GRIA4: variants seen among roughly 807,000 people sequenced by gnomAD.
The protein encoded by GRIA4 is glutamate ionotropic receptor AMPA type subunit 4.
Under a neutral mutation model 104.0 loss-of-function variants are expected in GRIA4, and 34 were observed. The ratio of observed to expected loss-of-function variants is 0.33; its 90% CI spans 0.25 to 0.44. GRIA4 has a LOEUF of 0.44. GRIA4 is among the 20% of genes least tolerant of loss of function. The pLI, the probability that GRIA4 is intolerant of heterozygous loss-of-function variation, is 1.00. For synonymous variants in GRIA4, 386 were observed against 381.9 expected (o/e 1.01, Z -0.13); for missense variants, 750 against 1,096.5 (o/e 0.68, Z 4.46).
At chr11:105,887,621 A>G (rs751724965) in intron 6 of GRIA4, 49 bp downstream of exon 6, 3 of 840,536 alleles carry the variant, frequency 3.6e-6, no homozygotes, top group Middle Eastern at 4.9e-4. Flanking sequence ...TCAAGCACAC[A>G]AGATTATTTT....
At chr11:105,631,818 A>G (rs1217919315) in intron 3 of GRIA4, among the ~76,000 whole-genome samples, 1 of 152,234 alleles carries the variant, frequency 6.6e-6, no homozygotes, top group Non-Finnish European at 1.5e-5. Flanking sequence ...ATTGTATCAT[A>G]ATTGCCAAAG....
At chr11:105,696,021 T>G (rs1424437534) in intron 3 of GRIA4, among the ~76,000 whole-genome samples, 1 of 152,204 alleles carries the variant, frequency 6.6e-6, no homozygotes, top group East Asian at 1.9e-4. Flanking sequence ...CTTTGGCATT[T>G]CAGTTCTTCT....
intron 3 of GRIA4, among the ~76,000 whole-genome samples, chr11:105,659,766 G>A (rs929452056): frequency 1.3e-5 from 2 of 151,798 alleles, no homozygotes; most frequent in Non-Finnish European, 2.9e-5. Context: ...AATGGCAGTA[G>A]ACACCAGACT....
intron 14 of GRIA4, among the ~76,000 whole-genome samples, chr11:105,962,535 T>C (rs568219868): frequency 2.8e-4 from 42 of 152,150 alleles, no homozygotes; most frequent in Non-Finnish European, 5.4e-4. Context: ...ATAAAAACTT[T>C]TGGAAGTTTT....
intron 3 of GRIA4, among the ~76,000 whole-genome samples, chr11:105,626,344 G>T (rs1443594477): frequency 6.6e-6 from 1 of 151,722 alleles, no homozygotes; most frequent in Non-Finnish European, 1.5e-5. Context: ...AATTCACATT[G>T]GAATAAATAA....
intron 4 of GRIA4, among the ~76,000 whole-genome samples, chr11:105,850,530 T>C (rs1253192607): frequency 2.0e-5 from 3 of 152,190 alleles, no homozygotes; most frequent in African/African-American, 7.2e-5. Context: ...GTTTAATGTT[T>C]GATGTCCTTA....
intron 4 of GRIA4, among the ~76,000 whole-genome samples, chr11:105,792,893 A>C (rs1461595134): frequency 8.8e-6 from 1 of 113,584 alleles, no homozygotes; most frequent in African/African-American, 3.8e-5. Context: ...CCAGTTTGCC[A>C]ACCAGAGTTT....
At chr11:105,732,660 G>C (rs1168821030) in intron 3 of GRIA4, among the ~76,000 whole-genome samples, 2 of 152,248 alleles carry the variant, frequency 1.3e-5, no homozygotes, top group East Asian at 3.9e-4. Flanking sequence ...TGGTGAAGCT[G>C]GATTTTTACA....
At chr11:105,680,211 T>A (rs11226822) in intron 3 of GRIA4, among the ~76,000 whole-genome samples, 71,106 of 151,970 alleles carry the variant, frequency 0.47, 17,143 homozygotes, top group Admixed American at 0.58. Context: ...CAGAGTCTCG[T>A]AAGGACACAG....
At chr11:105,628,418 T>C (rs1488491836) in intron 3 of GRIA4, among the ~76,000 whole-genome samples, 1 of 152,162 alleles carries the variant, frequency 6.6e-6, no homozygotes, top group Non-Finnish European at 1.5e-5. Flanking sequence ...TGAATTGTAT[T>C]TCCTATAATC....
rs773679090 is a variant in GRIA4, at chr11:105,933,336, AATCTT to A, written c.2047-384_2047-380del. Among the ~76,000 whole-genome samples, 16 of 152,312 alleles carry A rather than the reference AATCTT, an allele frequency of 1.1e-4. No individual in the cohort carries two copies. In the East Asian group the frequency reaches 1.7e-3, roughly 17 times the overall value. ...AAGGAATTTTACAAACTTGAAATAAAATCTTAGCTTTTTTTAAGTTTACCATGAAT... is the reference window on the plus strand; with the variant it reads ...AAGGAATTTTACAAACTTGAAATAAAAGCTTTTTTTAAGTTTACCATGAAT... On this transcript the variant is annotated intron_variant, in intron 13 of 16. Coordinates refer to ENST00000282499, the MANE Select transcript of GRIA4 (RefSeq NM_000829.4).
intron 3 of GRIA4, among the ~76,000 whole-genome samples, chr11:105,704,112 A>C (rs1448729214): frequency 6.6e-6 from 1 of 152,130 alleles, no homozygotes; most frequent in Non-Finnish European, 1.5e-5. Flanking sequence ...ATGAGGGCCT[A>C]CAAGGTACAA....
At chr11:105,628,668 T>C (rs1950952323) in intron 3 of GRIA4, among the ~76,000 whole-genome samples, 1 of 152,164 alleles carries the variant, frequency 6.6e-6, no homozygotes, top group African/African-American at 2.4e-5. Flanking sequence ...CCTTTGTAAA[T>C]TACTCAGTCT....
chr11:105,889,114 T>C (rs1192539872), intron 6 of GRIA4, among the ~76,000 whole-genome samples: 1 of 152,134 alleles, frequency 6.6e-6, no homozygotes, highest in Non-Finnish European at 1.5e-5. Flanking sequence ...AAAAAATCAA[T>C]GTGTTATATG....
At chr11:105,932,616 A>G (rs1462157073) in intron 13 of GRIA4, among the ~76,000 whole-genome samples, 1 of 152,216 alleles carries the variant, frequency 6.6e-6, no homozygotes, top group Non-Finnish European at 1.5e-5. Flanking sequence ...TCAAGTAGAC[A>G]GAAGTAATTT....
At chr11:105,908,887 A>C (rs897975132) in intron 9 of GRIA4, among the ~76,000 whole-genome samples, 2 of 151,900 alleles carry the variant, frequency 1.3e-5, no homozygotes, top group Non-Finnish European at 2.9e-5. Flanking sequence ...AAACTGTAAA[A>C]CCCCTTTTCA....
chr11:105,758,888 A>G (rs1485244366), intron 4 of GRIA4, among the ~76,000 whole-genome samples: 1 of 152,138 alleles, frequency 6.6e-6, no homozygotes, highest in Non-Finnish European at 1.5e-5. Context: ...GAAATTTTCT[A>G]TTTTATATCA....
At chr11:105,644,210 T>C (rs796441925) in intron 3 of GRIA4, among the ~76,000 whole-genome samples, 104 of 152,324 alleles carry the variant, frequency 6.8e-4, no homozygotes, top group African/African-American at 2.3e-3. Flanking sequence ...TCGGAGAAAG[T>C]GACTACCATG....
intron 3 of GRIA4, among the ~76,000 whole-genome samples, chr11:105,628,274 C>T (rs1337957078): frequency 6.6e-6 from 1 of 152,140 alleles, no homozygotes; most frequent in African/African-American, 2.4e-5. Flanking sequence ...GAAAATACAG[C>T]AAACACATAT....
Sources: allele counts gnomAD v4.1 joint callset (sites outside exome capture counted in the v4.1 genomes callset), GRCh38; gene constraint gnomAD v4.1.1; transcripts MANE v1.5; gene names NCBI Gene and HGNC (gene_info 2026-07-23, HGNC 2026-07-21).